The following AK5 variants were observed in gnomAD, a reference collection of about 807,000 sequenced individuals.
AK5 encodes adenylate kinase isoenzyme 5.
AK5 carries 27 observed loss-of-function variants against 69.5 expected under a neutral mutation model. The ratio of observed to expected loss-of-function variants is 0.39; its 90% CI spans 0.29 to 0.54. The LOEUF is 0.54. Ranked by LOEUF, AK5 falls within the 20% of genes least tolerant of loss-of-function variation. The pLI is 0.71. For synonymous variants in AK5, 260 were observed against 244.4 expected, an observed-to-expected ratio of 1.06 and a Z score of -0.60; for missense variants, 531 against 700.4, an observed-to-expected ratio of 0.76 and a Z score of 2.73.
At chr1:77,467,682 A>G (rs1237405821) in intron 8 of AK5, among the ~76,000 whole-genome samples, 1 of 152,264 alleles carries the variant, frequency 6.6e-6, no homozygotes, top group Non-Finnish European at 1.5e-5. Flanking sequence ...AAGAAAAGCC[A>G]TGAAGAGGCA....
chr1:77,290,598 AGAG>A (rs1658632408), intron 2 of AK5, among the ~76,000 whole-genome samples: 3 of 152,196 alleles, frequency 2.0e-5, no homozygotes, highest in Non-Finnish European at 4.4e-5. Context: ...TCTGTGAATA[AGAG>A]TTCTAATCCC....
chr1:77,298,023 T>G lies in AK5; in HGVS notation c.699+76T>G, dbSNP rs1040964894. The G allele has an allele frequency of 1.3e-5, 14 of 1,039,930 alleles. No individual in the cohort carries two copies. The African/African-American group carries it at 2.1e-4, about 16-fold the overall frequency. The allele number at this position is 1,039,930 out of a possible 1,614,324, so 64.4% of individuals were successfully genotyped here. A position where few individuals can be genotyped will look rare whatever the true frequency, so the allele number is the denominator to read the frequency against. ...TGGGAATAAAAACAAAAAGACTTCTTGGAAGACTTGCGATGCTTTTGAATG... is the reference window on the plus strand; with the variant it reads ...TGGGAATAAAAACAAAAAGACTTCTGGGAAGACTTGCGATGCTTTTGAATG... On this transcript the variant is annotated intron_variant, in intron 5 of 13. Transcript: ENST00000354567.
At chr1:77,541,481 T>A (rs1398326585) in intron 13 of AK5, among the ~76,000 whole-genome samples, 1 of 152,166 alleles carries the variant, frequency 6.6e-6, no homozygotes, top group Non-Finnish European at 1.5e-5. Context: ...AGGCAAACAT[T>A]GTGGGGCGTT....
At chr1:77,350,588 A>G (rs1481679200) in intron 6 of AK5, among the ~76,000 whole-genome samples, 2 of 152,210 alleles carry the variant, frequency 1.3e-5, no homozygotes, top group African/African-American at 4.8e-5. Flanking sequence ...CTGGACTGGA[A>G]TAGTGACTGA....
chr1:77,476,757 T>C (rs1654960623), intron 8 of AK5, among the ~76,000 whole-genome samples: 2 of 152,038 alleles, frequency 1.3e-5, no homozygotes, highest in South Asian at 4.1e-4. Flanking sequence ...ATCTGAAAAA[T>C]GGGAAACATC....
intron 8 of AK5, among the ~76,000 whole-genome samples, chr1:77,423,167 G>C (rs564858657): frequency 7.2e-6 from 1 of 138,448 alleles, no homozygotes; most frequent in Non-Finnish European, 1.5e-5. Context: ...CTTACAGTGG[G>C]CCAAGATAGC....
intron 6 of AK5, among the ~76,000 whole-genome samples, chr1:77,405,839 C>G (rs1649592689): frequency 1.3e-5 from 2 of 152,154 alleles, no homozygotes; most frequent in African/African-American, 4.8e-5. Context: ...ATGTTGCCGG[C>G]TGTGTTTATT....
intron 6 of AK5, among the ~76,000 whole-genome samples, chr1:77,359,608 G>A (rs2100433770): frequency 6.6e-6 from 1 of 152,188 alleles, no homozygotes; most frequent in Middle Eastern, 3.4e-3. Flanking sequence ...AAACCAGCCA[G>A]CTGAAATAAA....
At chr1:77,384,379 C>A (rs940440360) in intron 6 of AK5, among the ~76,000 whole-genome samples, 1 of 152,142 alleles carries the variant, frequency 6.6e-6, no homozygotes, top group African/African-American at 2.4e-5. Context: ...ATAATTATAT[C>A]TACTACACTT....
At chr1:77,474,433 G>C (rs1205618855) in intron 8 of AK5, among the ~76,000 whole-genome samples, 1 of 152,156 alleles carries the variant, frequency 6.6e-6, no homozygotes, top group Non-Finnish European at 1.5e-5. Context: ...CTAGAGCCTT[G>C]GGGATTGAAC....
At chr1:77,512,403 C>T (rs969733460) in intron 10 of AK5, among the ~76,000 whole-genome samples, 1 of 152,174 alleles carries the variant, frequency 6.6e-6, no homozygotes, top group African/African-American at 2.4e-5. Context: ...GACAACGTAA[C>T]TCAGGAAGAG....
At chr1:77,400,084 G>T (rs1398713311) in intron 6 of AK5, among the ~76,000 whole-genome samples, 3 of 152,170 alleles carry the variant, frequency 2.0e-5, no homozygotes, top group African/African-American at 4.8e-5. Context: ...ACCTACTAAG[G>T]TCCCCAAATG....
chr1:77,344,928 A>T (rs150675854), intron 6 of AK5, among the ~76,000 whole-genome samples: 96 of 151,796 alleles, frequency 6.3e-4, no homozygotes, highest in African/African-American at 2.2e-3. Context: ...TGTAAGTTTT[A>T]TGAACTTTTT....
intron 8 of AK5, among the ~76,000 whole-genome samples, chr1:77,429,505 T>G (rs557524052): frequency 6.6e-6 from 1 of 152,314 alleles, no homozygotes; most frequent in East Asian, 1.9e-4. Flanking sequence ...GGGGATACAT[T>G]GGTGGGCAAA....
intron 10 of AK5, among the ~76,000 whole-genome samples, chr1:77,496,349 A>G (rs1352733229): frequency 1.3e-5 from 2 of 152,198 alleles, no homozygotes; most frequent in East Asian, 3.9e-4. Flanking sequence ...CAGGAGAGAT[A>G]GTATGAACTT....
At chr1:77,511,801 G>T (rs1385665674) in intron 10 of AK5, among the ~76,000 whole-genome samples, 2 of 152,200 alleles carry the variant, frequency 1.3e-5, no homozygotes, top group Non-Finnish European at 2.9e-5. Context: ...TAGGGCAAAG[G>T]ATTCAAAGTT....
chr1:77,297,914 A>G lies in AK5; in HGVS notation c.666A>G (p.Arg222=), dbSNP rs1383094445. 6.2e-7 allele frequency: 1 copy of G among 1,613,360 alleles called. No homozygotes were observed. The part of the protein sequence containing the change: ...EEGIVIDGFP[R]DVAQALSFED... ...GCATTGTTATTGATGGATTTCCAAG[A>G]GATGTTGCCCAGGCTCTATCTTTTG... The change falls in exon 5 of 14, where the codon AGA becomes AGG. Residue 222 remains arginine (R), a synonymous_variant. Transcript: ENST00000354567.
chr1:77,286,535 C>T (rs1658361804), intron 1 of AK5, among the ~76,000 whole-genome samples: 1 of 151,750 alleles, frequency 6.6e-6, no homozygotes, highest in African/African-American at 2.4e-5. Context: ...CAAAGATGAG[C>T]CATAATACTA....
At chr1:77,456,595 A>T (rs756890437) in intron 8 of AK5, among the ~76,000 whole-genome samples, 1 of 152,232 alleles carries the variant, frequency 6.6e-6, no homozygotes, top group African/African-American at 2.4e-5. Context: ...AAGAACGAGG[A>T]TGGGCCTCAG....
Sources: gnomAD v4.1 joint callset for allele counts (sites outside exome capture counted in the v4.1 genomes callset) on GRCh38, gnomAD v4.1.1 for gene constraint, MANE v1.5 for transcripts, NCBI Gene and HGNC (gene_info 2026-07-23, HGNC 2026-07-21) for gene names.